Variants in TOR3A observed in about 807,000 individuals in gnomAD.
TOR3A encodes the protein torsin-3A.
In TOR3A, 44 loss-of-function variants were observed where a neutral mutation model predicts 42.1. The observed-to-expected ratio is 1.04, with a 90% CI of 0.82 to 1.34. The LOEUF (loss-of-function observed/expected upper bound fraction) is 1.34, where lower values mean the gene tolerates loss of function less well. TOR3A is among the 40% of genes most tolerant of loss of function. The pLI, the probability that TOR3A is intolerant of heterozygous loss-of-function variation, is 0.00. For synonymous variants in TOR3A, 227 were observed against 213.2 expected (o/e 1.06, Z -0.57); for missense variants, 521 against 507.6 (o/e 1.03, Z -0.25).
intron 4 of TOR3A, among the ~76,000 whole-genome samples, chr1:179,092,228 C>T (rs994879916): frequency 3.3e-5 from 5 of 152,202 alleles, no homozygotes; most frequent in African/African-American, 9.6e-5. Flanking sequence ...CCTCATTTCC[C>T]AGCAGCCCCC....
intron 1 of TOR3A, 98 bp downstream of exon 1, chr1:179,082,485 G>A: frequency 6.9e-7 from 1 of 1,451,796 alleles, no homozygotes; most frequent in Non-Finnish European, 9.1e-7. Context: ...CGACATCTGG[G>A]CCCGCAGTCC....
rs749366045 is a variant in TOR3A at position 179,082,397 on chromosome 1, C to A, written c.259+10C>A. The A allele has an allele frequency of 2.5e-6, 4 of 1,594,026 alleles. No individual in the cohort carries two copies. The highest frequency in any genetic ancestry group is 2.7e-5 in the African/African-American group (2 of 73,422). ...GCCACGGGGCCCCTGGGTAAGACCC[C>A]GTCCCCACGGTCCGCCGTTCGCTGC... On this transcript the variant is annotated intron_variant, in intron 1 of 5. Transcript: ENST00000367627.
intron 4 of TOR3A, 189 bp downstream of exon 4, chr1:179,088,278 C>A (rs181305949): frequency 2.0e-6 from 1 of 496,598 alleles, no homozygotes; most frequent in Non-Finnish European, 3.3e-6. Flanking sequence ...GAGGCCAAGG[C>A]GGCCGGGTCC....
intron 2 of TOR3A, among the ~76,000 whole-genome samples, chr1:179,084,910 C>T (rs934892177): frequency 1.3e-5 from 2 of 152,364 alleles, no homozygotes; most frequent in East Asian, 3.9e-4. Context: ...ACTGGAGCTG[C>T]TCTCACCAAG....
chr1:179,082,797 G>A (rs1278229814), intron 1 of TOR3A, 143 bp from the exon 2 acceptor site: 9 of 723,314 alleles, frequency 1.2e-5, no homozygotes, highest in Non-Finnish European at 2.0e-5. Flanking sequence ...CTTGAGGACC[G>A]ACAGTGGGCC....
intron 3 of TOR3A, among the ~76,000 whole-genome samples, chr1:179,087,378 G>A (rs1200277041): frequency 1.3e-5 from 2 of 152,196 alleles, no homozygotes; most frequent in African/African-American, 4.8e-5. Flanking sequence ...GGAGTTCAGG[G>A]CAGGGGACTG....
intron 4 of TOR3A, among the ~76,000 whole-genome samples, chr1:179,090,154 A>T (rs1418485129): frequency 6.6e-6 from 1 of 151,762 alleles, no homozygotes; most frequent in South Asian, 2.1e-4. Context: ...AGACTCCTCC[A>T]TGCCACAGCA....
rs1450270761 is a variant in TOR3A, at chr1:179,085,893, G to A, written c.639G>A (p.Lys213=). 24 of 1,612,762 alleles carry A rather than the reference G, an allele frequency of 1.5e-5. No homozygotes were observed. The highest frequency in any genetic ancestry group is 2.2e-5 in the East Asian group (1 of 44,876). The change falls in exon 3 of 6, where the codon AAG becomes AAA. Residue 213 remains lysine (K), a splice_region_variant and synonymous_variant. Coordinates refer to ENST00000367627, the MANE Select transcript of TOR3A (RefSeq NM_022371.4). The part of the protein sequence containing the change: ...FPHPKYVDLY[K]EQLMSQIRET... Reference sequence around the variant, plus strand: ...ACCCCAAATATGTGGACCTGTACAAGGTGAGGCCGACCAGGGCTGGGGTGA... The same window carrying A: ...ACCCCAAATATGTGGACCTGTACAAAGTGAGGCCGACCAGGGCTGGGGTGA...
Position 179,088,061 on chromosome 1 carries a change from T to G in TOR3A, c.790T>G (p.Ser264Ala). 6.2e-7 allele frequency: 1 copy of G among 1,605,786 alleles called. No individual in the cohort carries two copies. Among genetic ancestry groups the G allele is most frequent in the Non-Finnish European group, 8.5e-7 (1 of 1,176,896 alleles). ...GGCCCCTGAGGGCCACAGGGCTGAG[T>G]CTCCATGGACTATCTTTCTGTTTCT... ...RRAPEGHRAE[S>A]PWTIFLFLSN... The change falls in exon 4 of 6, where the codon TCT becomes GCT. Residue 264 changes from serine to alanine, a missense_variant. By Grantham distance (99) the Ser-to-Ala change is moderately conservative. Coordinates refer to ENST00000367627, the MANE Select transcript of TOR3A (RefSeq NM_022371.4).
rs1304552115 is a variant in TOR3A at position 179,095,162 on chromosome 1, T to C, written c.1138T>C (p.Phe380Leu). 2 of 1,613,952 alleles carry C rather than the reference T, an allele frequency of 1.2e-6. No homozygotes were observed. The highest frequency in any genetic ancestry group is 1.7e-5 in the Admixed American group (1 of 59,990). Residue 380 changes from phenylalanine (F) to leucine (L), a missense_variant, in exon 6 of 6, where the codon TTT (phenylalanine) becomes CTT (leucine). By Grantham distance (22) the Phe-to-Leu change is conservative. Transcript: ENST00000367627. ...MVYVPKEEQLFSSQGCKSISQ... is the reference protein window; with the variant it reads ...MVYVPKEEQLLSSQGCKSISQ... Reference sequence around the variant, plus strand: ...GTATGTCCCCAAGGAGGAACAACTCTTTTCTTCCCAGGGCTGCAAGTCTAT... The same window carrying C: ...GTATGTCCCCAAGGAGGAACAACTCCTTTCTTCCCAGGGCTGCAAGTCTAT...
At chr1:179,086,967 G>T (rs1652453836) in intron 3 of TOR3A, among the ~76,000 whole-genome samples, 1 of 152,222 alleles carries the variant, frequency 6.6e-6, no homozygotes, top group Non-Finnish European at 1.5e-5. Context: ...TTTCCATATG[G>T]CTTTGGAGGG....
chr1:179,094,904 C>T (rs1652691340), intron 5 of TOR3A, 64 bp from the exon 6 acceptor site: 2 of 1,534,964 alleles, frequency 1.3e-6, no homozygotes, highest in Non-Finnish European at 9.0e-7. Context: ...ACCCCCACCC[C>T]CGCTAAATTC....
In TOR3A at chr1:179,095,590, T is replaced by TGACA. The variant is rs1363173694; in HGVS notation, c.*373_*376dup. ...CTCAGCAAATCCCAAGGGCTTATTA[T>TGACA]GACACTCCAGATGGTCTCCTTAGCA... On this transcript the variant is annotated 3_prime_UTR_variant, in exon 6 of 6. Transcript: ENST00000367627. 2.4e-5 allele frequency: 27 copies of TGACA among 1,108,514 alleles called. No individual in the cohort carries two copies. The highest frequency in any genetic ancestry group is 2.9e-5 in the Non-Finnish European group (26 of 906,396). The allele number at this position is 1,108,514 out of a possible 1,614,324, so 68.7% of individuals were successfully genotyped here.
chr1:179,083,630 C>T (rs1041509937), intron 2 of TOR3A, among the ~76,000 whole-genome samples: 10 of 146,490 alleles, frequency 6.8e-5, no homozygotes, highest in African/African-American at 2.5e-4. Flanking sequence ...AGGCCGGTCT[C>T]GAACTCCTGA....
At chr1:179,084,336 C>T (rs1456654727) in intron 2 of TOR3A, among the ~76,000 whole-genome samples, 2 of 152,198 alleles carry the variant, frequency 1.3e-5, no homozygotes, top group Non-Finnish European at 2.9e-5. Context: ...AAGCGATTCT[C>T]TTCCCTCAGC....
Position 179,094,144 on chromosome 1 carries a change from T to A in TOR3A, c.870T>A (p.Ala290=). Residue 290 remains alanine (A), a synonymous_variant, in exon 5 of 6, where the codon GCT becomes GCA. Transcript: ENST00000367627. The part of the protein sequence containing the change: ...INEVVLKLLK[A]GWSREEITME... ...AGGTGGTCCTAAAGTTGCTCAAGGC[T>A]GGATGGTCCCGGGAAGAAATTACGA... is the stretch of plus-strand genomic sequence containing the variant. 1 of 1,614,170 alleles carries A rather than the reference T, an allele frequency of 6.2e-7. No individual in the cohort carries two copies. The highest frequency in any genetic ancestry group is 2.2e-5 in the East Asian group (1 of 44,872).
intron 4 of TOR3A, among the ~76,000 whole-genome samples, chr1:179,089,741 G>A (rs1166703936): frequency 2.0e-5 from 3 of 152,110 alleles, no homozygotes; most frequent in African/African-American, 4.8e-5. Flanking sequence ...CTGAACCACC[G>A]ATGCGGAAGC....
chr1:179,085,377 T>A, intron 2 of TOR3A: 1 of 437,808 alleles, frequency 2.3e-6, no homozygotes, highest in South Asian at 2.8e-5. Flanking sequence ...TGAGCTGAGA[T>A]TGCGCCACTG....
intron 1 of TOR3A, 56 bp from the exon 2 acceptor site, chr1:179,082,884 A>C: frequency 8.3e-7 from 1 of 1,210,478 alleles, no homozygotes; most frequent in South Asian, 1.3e-5. Context: ...AGGTTGCCGC[A>C]TCACTGTAGA....
Sources: allele counts gnomAD v4.1 joint callset (sites outside exome capture counted in the v4.1 genomes callset), GRCh38; gene constraint gnomAD v4.1.1; transcripts MANE v1.5; gene names NCBI Gene and HGNC (gene_info 2026-07-23, HGNC 2026-07-21).